Variants in ADK observed in about 807,000 individuals in gnomAD.
ADK encodes N6,N6-dimethyladenosine kinase.
ADK carries 24 observed loss-of-function variants against 44.7 expected under a neutral mutation model. That is an observed-to-expected ratio of 0.54 (90% CI 0.39 to 0.76). ADK has a LOEUF of 0.76. Ranked by LOEUF, ADK falls within the 30% of genes least tolerant of loss-of-function variation. ADK has a pLI of 0.00. For synonymous variants in ADK, 128 were observed against 142.6 expected (o/e 0.90, Z 0.73); for missense variants, 321 against 425.1 (o/e 0.76, Z 2.15).
intron 9 of ADK, among the ~76,000 whole-genome samples, chr10:74,619,113 A>G (rs960480690): frequency 1.3e-5 from 2 of 149,742 alleles, no homozygotes; most frequent in Non-Finnish European, 3.0e-5. Flanking sequence ...CTGACCTGGC[A>G]TTTAGTTCCC....
intron 10 of ADK, among the ~76,000 whole-genome samples, chr10:74,697,358 G>A (rs1158503959): frequency 1.3e-5 from 2 of 151,922 alleles, no homozygotes; most frequent in East Asian, 1.9e-4. Flanking sequence ...GCCACATGGT[G>A]AGACTCCATT....
intron 8 of ADK, among the ~76,000 whole-genome samples, chr10:74,589,942 T>C (rs1260831534): frequency 1.3e-5 from 2 of 152,208 alleles, no homozygotes; most frequent in Admixed American, 6.5e-5. Flanking sequence ...AATAATTGGA[T>C]TTAATTTCTA....
chr10:74,354,948 A>G (rs950698249), intron 4 of ADK, among the ~76,000 whole-genome samples: 1 of 152,212 alleles, frequency 6.6e-6, no homozygotes, highest in African/African-American at 2.4e-5. Context: ...TAATGCATTA[A>G]GTACAGTGTG....
intron 7 of ADK, among the ~76,000 whole-genome samples, chr10:74,541,572 A>G (rs1564782364): frequency 6.6e-6 from 1 of 152,092 alleles, no homozygotes; most frequent in Non-Finnish European, 1.5e-5. Context: ...CATGATTAAT[A>G]CATTTTTTAT....
intron 1 of ADK, among the ~76,000 whole-genome samples, chr10:74,200,463 G>A (rs1591842236): frequency 7.0e-6 from 1 of 142,472 alleles, no homozygotes; most frequent in South Asian, 2.2e-4. Flanking sequence ...CGGCCTGGGC[G>A]ACAAGAGCGA....
chr10:74,168,277 C>A lies in ADK; in HGVS notation c.65+16934C>A, dbSNP rs567923172. Among the ~76,000 whole-genome samples, 206 of 152,266 alleles carry A rather than the reference C, an allele frequency of 1.4e-3. 1 individual carries two copies. Among genetic ancestry groups the A allele is most frequent in the African/African-American group, 4.6e-3 (193 of 41,564 alleles). ...ATTGTGAGCTGGGCGCGGTGGCTTA[C>A]GCCTGTAATCCCAGCACTTTGGGAG... is the stretch of plus-strand genomic sequence containing the variant. On this transcript the variant is annotated intron_variant, in intron 1 of 10. Transcript: ENST00000539909.
At chr10:74,364,286 T>C (rs1203027618) in intron 4 of ADK, among the ~76,000 whole-genome samples, 1 of 152,228 alleles carries the variant, frequency 6.6e-6, no homozygotes, top group Non-Finnish European at 1.5e-5. Context: ...CCTATCCCAC[T>C]ATTGAAACAA....
chr10:74,378,727 C>T (rs1364963559), intron 4 of ADK, among the ~76,000 whole-genome samples: 2 of 152,010 alleles, frequency 1.3e-5, no homozygotes, highest in Admixed American at 6.6e-5. Context: ...GAGTGAGGAT[C>T]CATATGGGTT....
At chr10:74,663,247 T>A (rs58423870) in intron 9 of ADK, among the ~76,000 whole-genome samples, 406 of 18,936 alleles carry the variant, frequency 0.021, 2 homozygotes, top group African/African-American at 0.1. Context: ...AAAAAAAAAA[T>A]AATATATATA....
intron 6 of ADK, among the ~76,000 whole-genome samples, chr10:74,451,807 C>T (rs1036507111): frequency 2.0e-5 from 3 of 151,872 alleles, no homozygotes; most frequent in African/African-American, 7.2e-5. Context: ...GAACAAAATA[C>T]CAGAAAGTGA....
At chr10:74,407,366 T>C (rs538884276) in intron 6 of ADK, among the ~76,000 whole-genome samples, 4 of 152,346 alleles carry the variant, frequency 2.6e-5, no homozygotes, top group African/African-American at 4.8e-5. Context: ...AGTTTTCATC[T>C]CTTGAACTTT....
At chr10:74,564,271 C>T (rs945587871) in intron 7 of ADK, among the ~76,000 whole-genome samples, 3 of 151,962 alleles carry the variant, frequency 2.0e-5, no homozygotes, top group Non-Finnish European at 4.4e-5. Flanking sequence ...TTAAATGCAC[C>T]CATCAAGCTT....
At position 74,188,515 on chromosome 10, in the gene ADK, A is replaced by AT. The variant is rs922624938; in HGVS notation, c.66-12241dup. 1.3e-4 allele frequency among the ~76,000 whole-genome samples: 19 copies of AT among 150,586 alleles called. 1 individual carries two copies. The highest frequency in any genetic ancestry group is 2.4e-4 in the Non-Finnish European group (16 of 67,600). ...CGGCACCCGCCACCACACCCGGCTA[A>AT]TTTTTTTTGTGTGTTTTTAGCAGAG... On this transcript the variant is annotated intron_variant, in intron 1 of 10. Transcript: ENST00000539909.
At chr10:74,356,551 A>G (rs1293372689) in intron 4 of ADK, among the ~76,000 whole-genome samples, 1 of 152,190 alleles carries the variant, frequency 6.6e-6, no homozygotes, top group Non-Finnish European at 1.5e-5. Context: ...ATTGGATGGT[A>G]TGTTATAAAT....
chr10:74,196,842 A>G (rs1843171793), intron 1 of ADK, among the ~76,000 whole-genome samples: 1 of 152,154 alleles, frequency 6.6e-6, no homozygotes, highest in South Asian at 2.1e-4. Flanking sequence ...AAAACAAAAC[A>G]ACAGAAAAGT....
At chr10:74,659,856 A>G (rs957308800) in intron 9 of ADK, among the ~76,000 whole-genome samples, 1 of 152,132 alleles carries the variant, frequency 6.6e-6, no homozygotes, top group Non-Finnish European at 1.5e-5. Flanking sequence ...GTGCCCACCA[A>G]GATTAAGGGT....
At chr10:74,558,230 T>C (rs1297310470) in intron 7 of ADK, among the ~76,000 whole-genome samples, 1 of 152,226 alleles carries the variant, frequency 6.6e-6, no homozygotes, top group Non-Finnish European at 1.5e-5. Context: ...AAGTGTCTCA[T>C]TCTGTTGCCC....
chr10:74,705,721 G>A (rs1856580944), intron 10 of ADK, among the ~76,000 whole-genome samples: 1 of 152,230 alleles, frequency 6.6e-6, no homozygotes, highest in Non-Finnish European at 1.5e-5. Context: ...GATGGTTTGG[G>A]AAAGTGGTCT....
chr10:74,677,779 A>G (rs946184), intron 10 of ADK, among the ~76,000 whole-genome samples: 105,509 of 151,452 alleles, frequency 0.7, 36,954 homozygotes, highest in Middle Eastern at 0.79. Flanking sequence ...TATTTCTTGA[A>G]CAGAAATTTT....
Sources: gnomAD v4.1 joint callset for allele counts (sites outside exome capture counted in the v4.1 genomes callset) on GRCh38, gnomAD v4.1.1 for gene constraint, MANE v1.5 for transcripts, NCBI Gene and HGNC (gene_info 2026-07-23, HGNC 2026-07-21) for gene names.